The following DCDC1 variants were observed in gnomAD, a reference collection of about 807,000 sequenced individuals.
DCDC1 encodes doublecortin domain-containing protein 1.
A neutral mutation model predicts 178.3 loss-of-function variants in DCDC1; 200 were observed. That is an observed-to-expected ratio of 1.12 (90% CI 1.00 to 1.26). The LOEUF (loss-of-function observed/expected upper bound fraction) is 1.26, where lower values mean the gene tolerates loss of function less well. Among genes scored for constraint, DCDC1 ranks in the 50% most tolerant of loss-of-function variants. The probability of loss-of-function intolerance (pLI) is 0.00; values close to 1 mark genes in which losing one functional copy is unlikely to be tolerated. For synonymous variants in DCDC1, 690 were observed against 604.8 expected, an observed-to-expected ratio of 1.14 and a Z score of -2.07; for missense variants, 1,983 against 1,749.2, an observed-to-expected ratio of 1.13 and a Z score of -2.38.
chr11:31,049,745 A>G (rs892792543), intron 20 of DCDC1, among the ~76,000 whole-genome samples: 4 of 152,202 alleles, frequency 2.6e-5, no homozygotes, highest in Non-Finnish European at 4.4e-5. Context: ...TCAGTGGAGA[A>G]GCTGAAGGTC....
intron 1 of DCDC1, among the ~76,000 whole-genome samples, chr11:31,346,596 A>G (rs1950830614): frequency 1.3e-5 from 2 of 152,180 alleles, no homozygotes; most frequent in Non-Finnish European, 2.9e-5. Context: ...ATGAATATAT[A>G]CTGCTTACTA....
chr11:31,104,862 G>A (rs1958747805), intron 13 of DCDC1, among the ~76,000 whole-genome samples: 2 of 151,966 alleles, frequency 1.3e-5, no homozygotes. Flanking sequence ...AAGATATACA[G>A]GAGCTCATTG....
intron 6 of DCDC1, among the ~76,000 whole-genome samples, chr11:31,298,677 T>C (rs1382497034): frequency 6.6e-6 from 1 of 152,248 alleles, no homozygotes; most frequent in Admixed American, 6.5e-5. Flanking sequence ...TTAGCTTGCT[T>C]TTCTGTTAAA....
intron 18 of DCDC1, among the ~76,000 whole-genome samples, chr11:31,068,964 G>A (rs1001819778): frequency 6.6e-6 from 1 of 151,548 alleles, no homozygotes; most frequent in Non-Finnish European, 1.5e-5. Flanking sequence ...CCATTCTCCT[G>A]CCTCAGCCTC....
At chr11:30,889,069 A>G (rs964491314) in intron 36 of DCDC1, among the ~76,000 whole-genome samples, 6 of 152,174 alleles carry the variant, frequency 3.9e-5, no homozygotes, top group African/African-American at 1.4e-4. Flanking sequence ...TTCCTAGGCC[A>G]AGGAAGAACA....
At chr11:30,895,147 A>C (rs979584595) in intron 34 of DCDC1, among the ~76,000 whole-genome samples, 2 of 152,214 alleles carry the variant, frequency 1.3e-5, no homozygotes, top group Non-Finnish European at 2.9e-5. Context: ...TTATTAAGTA[A>C]AAATAATGCT....
intron 20 of DCDC1, among the ~76,000 whole-genome samples, chr11:31,059,317 C>A (rs1261613066): frequency 6.6e-6 from 1 of 151,672 alleles, no homozygotes; most frequent in African/African-American, 2.4e-5. Context: ...TAAAATATAC[C>A]GAAACCTAAA....
intron 20 of DCDC1, among the ~76,000 whole-genome samples, chr11:30,968,017 C>T (rs1220367242): frequency 1.3e-5 from 2 of 152,120 alleles, no homozygotes; most frequent in African/African-American, 2.4e-5. Context: ...TGTCTAAAGT[C>T]TGCCTTGGGA....
chr11:31,149,904 G>C (rs1255726052), intron 9 of DCDC1, among the ~76,000 whole-genome samples: 1 of 152,184 alleles, frequency 6.6e-6, no homozygotes, highest in Non-Finnish European at 1.5e-5. Flanking sequence ...CATTCTTGAA[G>C]TCAGCAAGAC....
At chr11:30,894,168 A>C in intron 35 of DCDC1, 80 bp downstream of exon 35, 1 of 1,515,780 alleles carries the variant, frequency 6.6e-7, no homozygotes, top group Non-Finnish European at 8.9e-7. Flanking sequence ...TAACAGTATC[A>C]TTTTAAAATT....
chr11:30,881,820 C>G (rs933898696), intron 36 of DCDC1, among the ~76,000 whole-genome samples: 16 of 152,120 alleles, frequency 1.1e-4, no homozygotes, highest in African/African-American at 3.9e-4. Context: ...TTGTTTTCAA[C>G]TGATACATTT....
At chr11:31,332,750 G>A (rs557959419) in intron 2 of DCDC1, among the ~76,000 whole-genome samples, 5 of 152,216 alleles carry the variant, frequency 3.3e-5, no homozygotes, top group African/African-American at 4.8e-5. Flanking sequence ...GAGACAGTTC[G>A]TTGTGATTTC....
chr11:31,093,678 A>T (rs933568475), intron 16 of DCDC1, among the ~76,000 whole-genome samples: 4 of 152,206 alleles, frequency 2.6e-5, no homozygotes, highest in African/African-American at 9.6e-5. Flanking sequence ...ATATGTTGGT[A>T]ATCTACCAGG....
intron 6 of DCDC1, among the ~76,000 whole-genome samples, chr11:31,291,548 A>C (rs1199130946): frequency 6.6e-6 from 1 of 152,104 alleles, no homozygotes; most frequent in Non-Finnish European, 1.5e-5. Context: ...TCGAAAATGT[A>C]AGGGTAAGAA....
intron 21 of DCDC1, among the ~76,000 whole-genome samples, chr11:30,947,794 A>G (rs1309768832): frequency 6.6e-6 from 1 of 152,172 alleles, no homozygotes; most frequent in Admixed American, 6.5e-5. Context: ...ACAGAATGGA[A>G]GAAAATATTT....
intron 20 of DCDC1, among the ~76,000 whole-genome samples, chr11:30,962,732 CAT>C (rs1949179386): frequency 6.6e-6 from 1 of 151,986 alleles, no homozygotes; most frequent in African/African-American, 2.4e-5. Flanking sequence ...TCGCTTTTAA[CAT>C]AAGTCTTTTA....
chr11:31,280,473 C>T (rs189406970), intron 7 of DCDC1, among the ~76,000 whole-genome samples: 2,023 of 152,242 alleles, frequency 0.013, 27 homozygotes, highest in Non-Finnish European at 0.022. Flanking sequence ...ATTCGAATTA[C>T]TATTAAAATT....
At chr11:31,194,130 A>G (rs1970416154) in intron 9 of DCDC1, among the ~76,000 whole-genome samples, 1 of 152,156 alleles carries the variant, frequency 6.6e-6, no homozygotes, top group South Asian at 2.1e-4. Flanking sequence ...AAGAGTATTC[A>G]AAACTAAAGT....
At chr11:31,211,259 T>C (rs1443385201) in intron 9 of DCDC1, among the ~76,000 whole-genome samples, 1 of 152,212 alleles carries the variant, frequency 6.6e-6, no homozygotes, top group African/African-American at 2.4e-5. Flanking sequence ...GTAATAATTA[T>C]GATGATAAAG....
Sources: gnomAD v4.1 joint callset for allele counts (sites outside exome capture counted in the v4.1 genomes callset) on GRCh38, gnomAD v4.1.1 for gene constraint, MANE v1.5 for transcripts, NCBI Gene and HGNC (gene_info 2026-07-23, HGNC 2026-07-21) for gene names.